F8: variants seen among roughly 807,000 people sequenced by gnomAD.
F8 encodes the protein coagulation factor VIII.
Under a neutral mutation model 140.6 loss-of-function variants are expected in F8, and 12 were observed. The ratio of observed to expected loss-of-function variants is 0.09; its 90% CI spans 0.05 to 0.14. The LOEUF is 0.14. F8 is among the 10% of genes least tolerant of loss of function. The probability of loss-of-function intolerance (pLI) is 1.00; values close to 1 mark genes in which losing one functional copy is unlikely to be tolerated. For synonymous variants in F8, 585 were observed against 614.6 expected, an observed-to-expected ratio of 0.95 and a Z score of 0.71; for missense variants, 1,354 against 1,720.7, an observed-to-expected ratio of 0.79 and a Z score of 3.77.
chrX:154,844,095 G>A (rs1186592669), intron 25 of F8, among the ~76,000 whole-genome samples: 1 of 111,285 alleles, frequency 9.0e-6, no homozygotes, highest in East Asian at 2.8e-4. Flanking sequence ...AAGATCAGAT[G>A]GTTGTAGATG....
chrX:154,891,229 C>T (rs1557275164), intron 22 of F8, among the ~76,000 whole-genome samples: 2 of 112,616 alleles, frequency 1.8e-5, no homozygotes, highest in Admixed American at 9.4e-5. Flanking sequence ...TCACTTTGCT[C>T]CCCTGTGGGT....
intron 10 of F8, among the ~76,000 whole-genome samples, chrX:154,958,086 G>C (rs1238715234): frequency 1.8e-5 from 2 of 110,776 alleles, no homozygotes; most frequent in Non-Finnish European, 3.8e-5. Context: ...CTCTGTGTGG[G>C]AGGTGCCCAA....
rs782724571 is a variant in F8 at position 154,935,185 on chromosome X, A to G, written c.2114-3509T>C. ...CACAAAAAGAGAAAGGAACAACAAAAACGAATAAAAGAAGAGCAGTAATAA... is the reference window on the plus strand; with the variant it reads ...CACAAAAAGAGAAAGGAACAACAAAGACGAATAAAAGAAGAGCAGTAATAA... On this transcript the variant is annotated intron_variant, in intron 13 of 25. Transcript: ENST00000360256. Among the ~76,000 whole-genome samples the G allele has an allele frequency of 1.4e-3, 154 of 111,014 alleles. 2 individuals are homozygous for G. In the South Asian group the frequency reaches 0.058, roughly 42 times the overall value.
At chrX:154,978,799 C>A (rs1227594932) in intron 6 of F8, among the ~76,000 whole-genome samples, 5 of 110,030 alleles carry the variant, frequency 4.5e-5, no homozygotes, top group Admixed American at 3.8e-4. Flanking sequence ...TTGGGTAGAG[C>A]ACTTCGGTTT....
At chrX:155,002,605 AT>A (rs1395967837) in intron 1 of F8, among the ~76,000 whole-genome samples, 1 of 90,983 alleles carries the variant, frequency 1.1e-5, no homozygotes, top group East Asian at 3.2e-4. Flanking sequence ...TACCATTGGC[AT>A]ATATTTACAC....
intron 13 of F8, among the ~76,000 whole-genome samples, chrX:154,942,473 G>C (rs1163942849): frequency 9.1e-6 from 1 of 109,581 alleles, no homozygotes; most frequent in Non-Finnish European, 1.9e-5. Context: ...CCAGGAAGAA[G>C]TTGAATCTCT....
chrX:155,007,972 C>T (rs1557286203), intron 1 of F8, among the ~76,000 whole-genome samples: 1 of 111,347 alleles, frequency 9.0e-6, no homozygotes, highest in African/African-American at 3.3e-5. Flanking sequence ...CTTGGCGTAA[C>T]TTAGCCTTTC....
In F8 at chrX:154,863,165, A is replaced by C. The variant is rs1286131283; in HGVS notation, c.6492T>G (p.Ile2164Met). 25 of 1,208,231 alleles carry C rather than the reference A, an allele frequency of 2.1e-5. No individual in the cohort carries two copies. Among genetic ancestry groups the C allele is most frequent in the Non-Finnish European group, 2.8e-5 (25 of 893,300 alleles). ...IKHNIFNPPI[I>M]ARYIRLHPTH... Reference sequence around the variant, plus strand: ...TTGGGTGCAAACGGATGTATCGAGCAATAATTGGAGGGTTAAAAATATTGT... The same window carrying C: ...TTGGGTGCAAACGGATGTATCGAGCCATAATTGGAGGGTTAAAAATATTGT... The change falls in exon 23 of 26, where the codon ATT (isoleucine) becomes ATG (methionine). Residue 2164 changes from isoleucine (I) to methionine (M), a missense_variant. Physicochemically the swap from Ile to Met is conservative, Grantham distance 10. Coordinates refer to ENST00000360256, the MANE Select transcript of F8 (RefSeq NM_000132.4).
At chrX:154,995,145 T>C (rs1419234282) in intron 3 of F8, among the ~76,000 whole-genome samples, 1 of 112,220 alleles carries the variant, frequency 8.9e-6, no homozygotes, top group Admixed American at 9.5e-5. Context: ...TGTTTGTTTG[T>C]TATATTATTT....
At chrX:155,013,099 T>C (rs1454369277) in intron 1 of F8, among the ~76,000 whole-genome samples, 29 of 90,688 alleles carry the variant, frequency 3.2e-4, no homozygotes, top group African/African-American at 1.3e-3. Flanking sequence ...TGAGCCGAGA[T>C]CGCACCACTG....
intron 17 of F8, 26 bp downstream of exon 17, chrX:154,904,270 T>C (rs782759841): frequency 8.6e-7 from 1 of 1,158,704 alleles, no homozygotes; most frequent in South Asian, 1.8e-5. Context: ...TTCACAGTGA[T>C]AATGTTTGGA....
At position 154,861,755 on chromosome X, in the gene F8, A is replaced by G. The variant is rs1603431506; in HGVS notation, c.6686T>C (p.Leu2229Pro). The G allele has an allele frequency of 2.5e-6, 3 of 1,212,062 alleles. No individual in the cohort carries two copies. Among genetic ancestry groups the G allele is most frequent in the Non-Finnish European group, 3.4e-6 (3 of 895,522 alleles). Reference sequence around the variant, plus strand: ...GGCATTACTCCTCCCTTGGAGGTGAAGTCGAGCTTTTGAAGGAGACCAGGT... The same window carrying G: ...GGCATTACTCCTCCCTTGGAGGTGAGGTCGAGCTTTTGAAGGAGACCAGGT... ...FATWSPSKAR[L>P]HLQGRSNAWR... Residue 2229 changes from leucine (L) to proline (P), a missense_variant, in exon 24 of 26, where the codon CTT (leucine) becomes CCT (proline). Around this residue, in one of 4 missense-constraint regions of F8, gnomAD observed 316 missense variants for 485.4 expected, o/e 0.65. Transcript: ENST00000360256.
At chrX:154,997,822 C>G (rs1158215673) in intron 2 of F8, among the ~76,000 whole-genome samples, 1 of 111,369 alleles carries the variant, frequency 9.0e-6, no homozygotes, top group East Asian at 2.8e-4. Context: ...TTTGGAGGAA[C>G]AGTCAACAGG....
intron 1 of F8, among the ~76,000 whole-genome samples, chrX:155,014,404 A>G (rs782611941): frequency 4.5e-5 from 5 of 111,981 alleles, no homozygotes; most frequent in Non-Finnish European, 9.4e-5. Flanking sequence ...AGTTCTATCT[A>G]ACATTGTACT....
intron 13 of F8, among the ~76,000 whole-genome samples, chrX:154,944,408 C>T (rs1264959494): frequency 9.0e-6 from 1 of 111,375 alleles, no homozygotes; most frequent in Non-Finnish European, 1.9e-5. Flanking sequence ...AGCCAAAAAA[C>T]ACATGAAAAA....
chrX:154,901,379 C>T lies in F8; in HGVS notation c.6179G>A (p.Gly2060Glu). 1 of 1,184,403 alleles carries T rather than the reference C, an allele frequency of 8.4e-7. No individual in the cohort carries two copies. ...AAAATAATAGTATTTACCATATTGT[C>T]CTGAAGCTGTAATCTGAAAATCTCT... is the stretch of plus-strand genomic sequence containing the variant. ...HIRDFQITAS[G>E]QYGQWAPKLA... The change falls in exon 20 of 26, where the codon GGA becomes GAA. Residue 2060 changes from glycine (G) to glutamate (E), a missense_variant. Gly to Glu is a moderately conservative substitution (Grantham distance 98). This residue lies in a region of F8 where 316 missense variants were observed against 485.4 expected (regional missense o/e 0.65). Transcript: ENST00000360256.
intron 22 of F8, among the ~76,000 whole-genome samples, chrX:154,876,355 G>A (rs1240659871): frequency 9.0e-6 from 1 of 110,523 alleles, no homozygotes; most frequent in African/African-American, 3.3e-5. Context: ...TCCTGACCTT[G>A]TGATCCGCCC....
intron 24 of F8, 74 bp from the exon 25 acceptor site, chrX:154,860,682 C>G: frequency 1.7e-5 from 17 of 978,832 alleles, no homozygotes; most frequent in Non-Finnish European, 2.5e-5. Context: ...TCCCTCTTAA[C>G]CATACCACAG....
chrX:155,000,511 G>A (rs2073640683), intron 1 of F8, among the ~76,000 whole-genome samples: 1 of 112,158 alleles, frequency 8.9e-6, no homozygotes, highest in African/African-American at 3.2e-5. Context: ...TTACCAGTTG[G>A]TATCATTTCA....
Sources: gnomAD v4.1 joint callset for allele counts (sites outside exome capture counted in the v4.1 genomes callset) on GRCh38, gnomAD v4.1.1 for gene constraint, gnomAD v4.1.1 regional missense constraint, MANE v1.5 for transcripts, NCBI Gene and HGNC (gene_info 2026-07-23, HGNC 2026-07-21) for gene names.